The following ADGRF4 variants were observed in gnomAD, a reference collection of about 807,000 sequenced individuals.
ADGRF4 encodes the protein adhesion G protein-coupled receptor F4, also known as G-protein coupled receptor PGR18.
ADGRF4 carries 63 observed loss-of-function variants against 58.5 expected under a neutral mutation model. The observed-to-expected ratio is 1.08, with a 90% CI of 0.88 to 1.33. The LOEUF (loss-of-function observed/expected upper bound fraction) is 1.33. Among genes scored for constraint, ADGRF4 ranks in the 40% most tolerant of loss-of-function variants. The probability of loss-of-function intolerance (pLI) is 0.00; values close to 1 mark genes in which losing one functional copy is unlikely to be tolerated. For synonymous variants in ADGRF4, 313 were observed against 295.4 expected, an observed-to-expected ratio of 1.06 and a Z score of -0.61; for missense variants, 931 against 843.9, an observed-to-expected ratio of 1.10 and a Z score of -1.28.
At chr6:47,709,849 GT>G (rs71305748) in intron 3 of ADGRF4, among the ~76,000 whole-genome samples, 3 of 147,598 alleles carry the variant, frequency 2.0e-5, no homozygotes, top group African/African-American at 2.5e-5. Context: ...TAGCATCACA[GT>G]TTTTTTTTTG....
chr6:47,714,347 T>C lies in ADGRF4; in HGVS notation c.1102T>C (p.Leu368=), dbSNP rs1298666592. The C allele has an allele frequency of 8.7e-6, 14 of 1,614,140 alleles. No individual in the cohort carries two copies. Among genetic ancestry groups the C allele is most frequent in the Admixed American group, 1.7e-5 (1 of 60,022 alleles). Residue 368 remains leucine (L), a synonymous_variant, in exon 6 of 10, where the codon TTG becomes CTG. Coordinates refer to ENST00000283303, the MANE Select transcript of ADGRF4 (RefSeq NM_153838.5). ...RWDEKACQMM[L]DIRNEVKCRC... ...GGATGAGAAAGCGTGCCAAATGATG[T>C]TGGATATCAGGAACGAAGTGAAATG...
intron 5 of ADGRF4, 27 bp from the exon 6 acceptor site, chr6:47,713,771 T>A (rs563292648): frequency 1.3e-6 from 2 of 1,493,530 alleles, no homozygotes; most frequent in African/African-American, 2.8e-5. Context: ...AAATCCTTAG[T>A]ATAATGTTCA....
intron 3 of ADGRF4, among the ~76,000 whole-genome samples, chr6:47,710,314 G>A (rs768606995): frequency 3.4e-4 from 51 of 152,154 alleles, no homozygotes; most frequent in Non-Finnish European, 6.3e-4. Context: ...CTCCATTTAT[G>A]TGTTCCTTTA....
rs747865700 is a variant in ADGRF4 at position 47,707,340 on chromosome 6, T to C, written c.93+2T>C. ...TATAGATCCAAGATTCACCTAAAAGTAAGTTTGATCTATTCCTATGTGATC... is the reference window on the plus strand; with the variant it reads ...TATAGATCCAAGATTCACCTAAAAGCAAGTTTGATCTATTCCTATGTGATC... On this transcript the variant is annotated splice_donor_variant, in intron 2 of 9. Transcript: ENST00000283303. LOFTEE classifies it high-confidence loss of function. 1.3e-6 allele frequency: 2 copies of C among 1,577,596 alleles called. No individual in the cohort carries two copies. The highest frequency in any genetic ancestry group is 1.7e-6 in the Non-Finnish European group (2 of 1,146,658).
At chr6:47,710,926 C>T in intron 4 of ADGRF4, 40 bp downstream of exon 4, 2 of 1,583,686 alleles carry the variant, frequency 1.3e-6, no homozygotes, top group South Asian at 1.1e-5. Flanking sequence ...AAGCCAATCC[C>T]CCAGCAGAAA....
chr6:47,710,625 C>T (rs1315937828), intron 3 of ADGRF4, 110 bp from the exon 4 acceptor site: 2 of 1,121,482 alleles, frequency 1.8e-6, no homozygotes. Context: ...CCAATTGCCT[C>T]CTCCAGGAAG....
In ADGRF4 at chr6:47,712,475, C is replaced by T. The variant is rs1467198313; in HGVS notation, c.419C>T (p.Pro140Leu). The T allele has an allele frequency of 2.5e-6, 4 of 1,613,928 alleles. No homozygotes were observed. The highest frequency in any genetic ancestry group is 2.7e-5 in the African/African-American group (2 of 74,890). ...SVAQGIRKNC[P>L]FDYACITDMV... is the part of the protein sequence containing the mutation. Reference sequence around the variant, plus strand: ...GCTCAAGGAATCCGTAAGAACTGCCCCTTTGATTATGCCTGCATCACTGAC... The same window carrying T: ...GCTCAAGGAATCCGTAAGAACTGCCTCTTTGATTATGCCTGCATCACTGAC... Residue 140 changes from proline (P) to leucine (L), a missense_variant, in exon 5 of 10, where the codon CCC (proline) becomes CTC (leucine). Physicochemically the swap from Pro to Leu is moderately conservative, Grantham distance 98 (BLOSUM62 -3). Coordinates refer to ENST00000283303, the MANE Select transcript of ADGRF4 (RefSeq NM_153838.5).
At position 47,714,220 on chromosome 6, in the gene ADGRF4, A is replaced by G; in HGVS notation, c.975A>G (p.Leu325=). The change falls in exon 6 of 10, where the codon TTA becomes TTG. Residue 325 remains leucine (L), a synonymous_variant. Transcript: ENST00000283303. Reference sequence around the variant, plus strand: ...ATGGTCTGGTGCTATCAGTGGTTTTACCAGAAAGGTTGCAAGAAATCATAC... The same window carrying G: ...ATGGTCTGGTGCTATCAGTGGTTTTGCCAGAAAGGTTGCAAGAAATCATAC... ...QVNGLVLSVV[L]PERLQEIILT... 1 of 1,614,152 alleles carries G rather than the reference A, an allele frequency of 6.2e-7. No individual in the cohort carries two copies. The highest frequency in any genetic ancestry group is 1.1e-5 in the South Asian group (1 of 91,080).
chr6:47,714,658 C>A lies in ADGRF4; in HGVS notation c.1413C>A (p.Asn471Lys). 6.2e-7 allele frequency: 1 copy of A among 1,614,210 alleles called. No homozygotes were observed. Among genetic ancestry groups the A allele is most frequent in the Non-Finnish European group, 8.5e-7 (1 of 1,180,032 alleles). The change falls in exon 6 of 10, where the codon AAC becomes AAA. Residue 471 changes from asparagine to lysine, a missense_variant. Asn to Lys is a moderately conservative substitution (Grantham distance 94, BLOSUM62 0). Coordinates refer to ENST00000283303, the MANE Select transcript of ADGRF4 (RefSeq NM_153838.5). Reference sequence around the variant, plus strand: ...TTAACATTAAGGCCCAGGACTACAACATGTGTGTTGCAGTGACATTTTTCA... The same window carrying A: ...TTAACATTAAGGCCCAGGACTACAAAATGTGTGTTGCAGTGACATTTTTCA... ...SHFNIKAQDY[N>K]MCVAVTFFSH...
At chr6:47,703,009 C>A (rs752608188) in intron 1 of ADGRF4, among the ~76,000 whole-genome samples, 2 of 152,206 alleles carry the variant, frequency 1.3e-5, no homozygotes, top group African/African-American at 4.8e-5. Flanking sequence ...ACAATTCTCA[C>A]TCTTCTTGTT....
rs774822525 is a variant in ADGRF4 at position 47,708,250 on chromosome 6, AG to A, written c.123del (p.Lys42AsnfsTer33). On this transcript the variant is annotated frameshift_variant, in exon 3 of 10. Coordinates refer to ENST00000283303, the MANE Select transcript of ADGRF4 (RefSeq NM_153838.5). LOFTEE classifies it high-confidence loss of function. ...KAGDKLQSPE[G>X]KPKTGRIQEK... ...CTGGAGATAAACTTCAAAGCCCTGA[AG>A]GGAAACCCAAGACTGGAAGGATCCA... 3.2e-5 allele frequency: 51 copies of A among 1,612,652 alleles called. No individual in the cohort carries two copies. The South Asian group carries it at 5.6e-4, about 18-fold the overall frequency.
chr6:47,707,324 A>G lies in ADGRF4; in HGVS notation c.79A>G (p.Lys27Glu). Residue 27 changes from lysine (K) to glutamate (E), a missense_variant, in exon 2 of 10, where the codon AAG becomes GAG. Lys to Glu is a moderately conservative substitution (Grantham distance 56). Coordinates refer to ENST00000283303, the MANE Select transcript of ADGRF4 (RefSeq NM_153838.5). ...CACAGAATGTTCCCACTATAGATCC[A>G]AGATTCACCTAAAAGTAAGTTTGAT... ...LSTECSHYRS[K>E]IHLKAGDKLQ... The G allele has an allele frequency of 3.7e-6, 6 of 1,607,002 alleles. No individual in the cohort carries two copies. Among genetic ancestry groups the G allele is most frequent in the Non-Finnish European group, 5.1e-6 (6 of 1,173,506 alleles).
At position 47,717,316 on chromosome 6, in the gene ADGRF4, A is replaced by G; in HGVS notation, c.1999A>G (p.Met667Val). 1.2e-6 allele frequency: 2 copies of G among 1,612,080 alleles called. No individual in the cohort carries two copies. Among genetic ancestry groups the G allele is most frequent in the Non-Finnish European group, 1.7e-6 (2 of 1,178,146 alleles). The change falls in exon 8 of 10, where the codon ATG (methionine) becomes GTG (valine). Residue 667 changes from methionine (M) to valine (V), a missense_variant. Transcript: ENST00000283303. ...HKIRDALRMR[M>V]SSLKGKSRAA... ...GATAAGAGATGCTTTGAGGATGAGGATGTCTTCACTGAAGGGGAAATCGAG... is the reference window on the plus strand; with the variant it reads ...GATAAGAGATGCTTTGAGGATGAGGGTGTCTTCACTGAAGGGGAAATCGAG...
chr6:47,716,752 C>T, intron 6 of ADGRF4, 54 bp from the exon 7 acceptor site: 4 of 1,318,578 alleles, frequency 3.0e-6, no homozygotes, highest in African/African-American at 2.9e-5. Context: ...AAAATAACAG[C>T]AGGAATATTT....
At chr6:47,705,224 G>T (rs1230662569) in intron 1 of ADGRF4, among the ~76,000 whole-genome samples, 1 of 152,182 alleles carries the variant, frequency 6.6e-6, no homozygotes, top group East Asian at 1.9e-4. Flanking sequence ...GCCGTGCCCG[G>T]CCTGTCAAAA....
At chr6:47,712,905 C>G (rs900454306) in intron 5 of ADGRF4, among the ~76,000 whole-genome samples, 17 of 152,174 alleles carry the variant, frequency 1.1e-4, no homozygotes, top group Non-Finnish European at 2.4e-4. Context: ...TATATTAGAA[C>G]AGGGGTCCCC....
Position 47,714,476 on chromosome 6 carries a change from G to A in ADGRF4, c.1231G>A (p.Val411Ile), listed in dbSNP as rs115890838. 25,417 of 1,614,116 alleles carry A rather than the reference G, an allele frequency of 0.016. 281 individuals carry two copies. Among genetic ancestry groups the A allele is most frequent in the Non-Finnish European group, 0.018 (20,699 of 1,180,014 alleles). Residue 411 changes from valine to isoleucine, a missense_variant, in exon 6 of 10, where the codon GTC (valine) becomes ATC (isoleucine). Val to Ile is a conservative substitution (Grantham distance 29, BLOSUM62 3). Transcript: ENST00000283303. ...LDYITCIGLSVSILSLVLCLI... is the reference protein window; with the variant it reads ...LDYITCIGLSISILSLVLCLI... ...CTACATCACCTGCATTGGGCTCAGC[G>A]TCTCAATCCTAAGCTTGGTTCTTTG...
At chr6:47,718,216 G>A (rs550232056) in intron 8 of ADGRF4, among the ~76,000 whole-genome samples, 173 bp from the exon 9 acceptor site, 12 of 152,258 alleles carry the variant, frequency 7.9e-5, no homozygotes, top group African/African-American at 2.2e-4. Context: ...TAAAAATAAC[G>A]ATGTAGCTTA....
intron 2 of ADGRF4, 54 bp from the exon 3 acceptor site, chr6:47,708,170 T>G (rs1771766835): frequency 3.7e-6 from 5 of 1,340,394 alleles, no homozygotes; most frequent in Non-Finnish European, 5.4e-6. Flanking sequence ...TAAGCTGAGA[T>G]GAGGGAGCAG....
Sources: gnomAD v4.1 joint callset for allele counts (sites outside exome capture counted in the v4.1 genomes callset) on GRCh38, gnomAD v4.1.1 for gene constraint, MANE v1.5 for transcripts, NCBI Gene and HGNC (gene_info 2026-07-23, HGNC 2026-07-21) for gene names.